PRAP1: variants seen among roughly 807,000 people sequenced by gnomAD.
PRAP1 encodes proline rich acidic protein 1, also known as proline-rich acidic protein 1.
PRAP1 carries 12 observed loss-of-function variants against 14.6 expected under a neutral mutation model. The ratio of observed to expected loss-of-function variants is 0.82; its 90% CI spans 0.53 to 1.33. The LOEUF (loss-of-function observed/expected upper bound fraction) is 1.33, where lower values mean the gene tolerates loss of function less well. PRAP1 is among the 40% of genes most tolerant of loss of function. The probability of loss-of-function intolerance (pLI) is 0.00; values close to 1 mark genes in which losing one functional copy is unlikely to be tolerated. For missense variants in PRAP1, 160 were observed against 193.7 expected, an observed-to-expected ratio of 0.83 and a Z score of 1.03; for synonymous variants, 81 against 80.3, an observed-to-expected ratio of 1.01 and a Z score of -0.04.
chr10:133,349,821 C>T (rs1283064206), intron 1 of PRAP1, among the ~76,000 whole-genome samples: 2 of 152,264 alleles, frequency 1.3e-5, no homozygotes, highest in African/African-American at 4.8e-5. Context: ...CCACCAGTGC[C>T]TGCCACAGTG....
intron 1 of PRAP1, among the ~76,000 whole-genome samples, chr10:133,349,758 C>T (rs1848648311): frequency 6.6e-6 from 1 of 152,206 alleles, no homozygotes; most frequent in East Asian, 1.9e-4. Flanking sequence ...TGTGTGTCCC[C>T]ACGTGGAGGG....
chr10:133,351,922 G>A lies in PRAP1; in HGVS notation c.129-85G>A. On this transcript the variant is annotated intron_variant, in intron 3 of 4. Coordinates refer to ENST00000433452, the MANE Select transcript of PRAP1 (RefSeq NM_145202.5). This position sits in a 1 kb window ranked among gnomAD's most constrained non-coding sequence, Gnocchi z 4.3. ...TGCTGGTGGTGGGGCTGGAGTGGCT[G>A]CCCTGGGATGGTGGGCACCCTCCTG... The A allele has an allele frequency of 6.5e-7, 1 of 1,535,560 alleles. No individual in the cohort carries two copies.
In PRAP1 at chr10:133,351,468, T is replaced by C. The variant is rs767058992; in HGVS notation, c.128+35T>C. Reference sequence around the variant, plus strand: ...CCCAACCCCACCTCCCCACCACCCATTCCCTGAAGCTACAGCCCGTTCTGC... The same window carrying C: ...CCCAACCCCACCTCCCCACCACCCACTCCCTGAAGCTACAGCCCGTTCTGC... On this transcript the variant is annotated intron_variant, in intron 3 of 4. Coordinates refer to ENST00000433452, the MANE Select transcript of PRAP1 (RefSeq NM_145202.5). The surrounding 1 kb of genome is among the most constrained non-coding windows in gnomAD (Gnocchi z 4.3). The C allele has an allele frequency of 1.6e-4, 212 of 1,296,430 alleles. No homozygotes were observed. The highest frequency in any genetic ancestry group is 2.8e-4 in the Admixed American group (14 of 50,628). 80.3% of individuals were successfully genotyped at this position (1,296,430 alleles called of 1,614,324 possible).
rs1589865261 is a variant in PRAP1, at chr10:133,347,845, G to A, written c.8+420G>A. 6.6e-6 allele frequency among the ~76,000 whole-genome samples: 1 copy of A among 152,154 alleles called. No homozygotes were observed. The highest frequency in any genetic ancestry group is 1.5e-5 in the Non-Finnish European group (1 of 68,004). ...AGCTCAGGGAAGCACCCGGGCTCCC[G>A]CTGGACCCTGGAATCAGAGGCTGCC... On this transcript the variant is annotated intron_variant, in intron 1 of 4. Transcript: ENST00000433452. The surrounding 1 kb of genome is among the most constrained non-coding windows in gnomAD (Gnocchi z 5.0).
At position 133,351,960 on chromosome 10, in the gene PRAP1, T is replaced by G. The variant is rs750315244; in HGVS notation, c.129-47T>G. On this transcript the variant is annotated intron_variant, in intron 3 of 4. Coordinates refer to ENST00000433452, the MANE Select transcript of PRAP1 (RefSeq NM_145202.5). This position sits in a 1 kb window ranked among gnomAD's most constrained non-coding sequence, Gnocchi z 4.3. The stretch of plus-strand genomic sequence containing the variant: ...GGGCACCCTCCTGCGGGGGGTTCTG[T>G]CCACCTCCCCCACCTGCATGTGGAC... The G allele has an allele frequency of 6.3e-7, 1 of 1,599,314 alleles. No individual in the cohort carries two copies. Among genetic ancestry groups the G allele is most frequent in the Non-Finnish European group, 8.5e-7 (1 of 1,175,170 alleles).
rs141653330 is a variant in PRAP1, at chr10:133,352,305, C to G, written c.321C>G (p.Pro107=). The G allele has an allele frequency of 5.6e-6, 9 of 1,612,994 alleles. No homozygotes were observed. In the African/African-American group the frequency reaches 6.7e-5, roughly 12 times the overall value. ...TGGGCCATGTCCTGAGTCCCGAGCC[C>G]GACCATGACAGCCTGTACCACCCTC... ...DTLGHVLSPE[P]DHDSLYHPPP... is the part of the protein sequence containing the mutation. The change falls in exon 5 of 5, where the codon CCC becomes CCG. Residue 107 remains proline, a synonymous_variant. Transcript: ENST00000433452.
At position 133,351,800 on chromosome 10, in the gene PRAP1, C is replaced by G. The variant is rs1304873092; in HGVS notation, c.129-207C>G. Among the ~76,000 whole-genome samples the G allele has an allele frequency of 6.6e-6, 1 of 152,218 alleles. No homozygotes were observed. Among genetic ancestry groups the G allele is most frequent in the East Asian group, 1.9e-4 (1 of 5,194 alleles). Reference sequence around the variant, plus strand: ...CTCAACCAAGGCTCTGACCACTGCTCCCCACGCAGCCACCCAGGGACGTGG... The same window carrying G: ...CTCAACCAAGGCTCTGACCACTGCTGCCCACGCAGCCACCCAGGGACGTGG... On this transcript the variant is annotated intron_variant, in intron 3 of 4. Coordinates refer to ENST00000433452, the MANE Select transcript of PRAP1 (RefSeq NM_145202.5). This position sits in a 1 kb window ranked among gnomAD's most constrained non-coding sequence, Gnocchi z 4.3.
chr10:133,349,697 C>T (rs1037835819), intron 1 of PRAP1, among the ~76,000 whole-genome samples: 2 of 152,122 alleles, frequency 1.3e-5, no homozygotes, highest in African/African-American at 4.8e-5. Context: ...GGCTGTGGGC[C>T]CTCGCTGCTC....
chr10:133,348,541 G>C (rs950173832), intron 1 of PRAP1, among the ~76,000 whole-genome samples: 1 of 150,746 alleles, frequency 6.6e-6, no homozygotes, highest in African/African-American at 2.4e-5. Flanking sequence ...AGAGTGTCTC[G>C]CTCTGTCGCC....
In PRAP1 at chr10:133,352,002, A is replaced by C. The variant is rs751871626; in HGVS notation, c.129-5A>C. 1 of 1,612,126 alleles carries C rather than the reference A, an allele frequency of 6.2e-7. No individual in the cohort carries two copies. The highest frequency in any genetic ancestry group is 1.7e-5 in the Admixed American group (1 of 59,968). ...CATGTGGACCTGACCAAACTGTGCC[A>C]GCAGGGCCTGGGGCGCCCGTGTGGT... On this transcript the variant is annotated splice_polypyrimidine_tract_variant and splice_region_variant and intron_variant, in intron 3 of 4. Coordinates refer to ENST00000433452, the MANE Select transcript of PRAP1 (RefSeq NM_145202.5).
rs777247064 is a variant in PRAP1, at chr10:133,351,434, G to A, written c.128+1G>A. 1.2e-6 allele frequency: 2 copies of A among 1,606,828 alleles called. No individual in the cohort carries two copies. Among genetic ancestry groups the A allele is most frequent in the African/African-American group, 1.3e-5 (1 of 74,808 alleles). On this transcript the variant is annotated splice_donor_variant, in intron 3 of 4. Coordinates refer to ENST00000433452, the MANE Select transcript of PRAP1 (RefSeq NM_145202.5). LOFTEE classifies it high-confidence loss of function. The surrounding 1 kb of genome is among the most constrained non-coding windows in gnomAD (Gnocchi z 4.3). ...GGCCCTCAGAGCAGGACCCAGAGAA[G>A]TAAGTCCCCCCAACCCCACCTCCCC...
In PRAP1 at chr10:133,352,333, C is replaced by T. The variant is rs1419110564; in HGVS notation, c.349C>T (p.Pro117Ser). The T allele has an allele frequency of 6.2e-7, 1 of 1,613,186 alleles. No individual in the cohort carries two copies. The highest frequency in any genetic ancestry group is 8.5e-7 in the Non-Finnish European group (1 of 1,179,990). ...PDHDSLYHPP[P>S]EEDQGEERPR... is the part of the protein sequence containing the mutation. ...CCATGACAGCCTGTACCACCCTCCG[C>T]CTGAGGAGGACCAGGGCGAGGAGAG... The change falls in exon 5 of 5, where the codon CCT becomes TCT. Residue 117 changes from proline (P) to serine (S), a missense_variant. Physicochemically the swap from Pro to Ser is moderately conservative, Grantham distance 74 (BLOSUM62 -1). Transcript: ENST00000433452.
At chr10:133,350,422 C>T (rs1848658577) in intron 2 of PRAP1, among the ~76,000 whole-genome samples, 2 of 152,070 alleles carry the variant, frequency 1.3e-5, no homozygotes, top group Non-Finnish European at 2.9e-5. Context: ...GATGAGCCCA[C>T]ATGACCCCAG....
At chr10:133,349,597 CT>C (rs886630026) in intron 1 of PRAP1, among the ~76,000 whole-genome samples, 4 of 152,260 alleles carry the variant, frequency 2.6e-5, no homozygotes, top group Non-Finnish European at 5.9e-5. Flanking sequence ...CCATTCACCC[CT>C]GAGCCCCCCA....
rs1429880133 is a variant in PRAP1 at position 133,352,582 on chromosome 10, T to C, written c.*142T>C. 4.4e-6 allele frequency: 3 copies of C among 677,230 alleles called. No homozygotes were observed. The highest frequency in any genetic ancestry group is 3.6e-5 in the African/African-American group (2 of 54,844). The allele number at this position is 677,230 out of a possible 1,614,324, so 42.0% of individuals were successfully genotyped here. Reference sequence around the variant, plus strand: ...CTCACCTCTGTAATCCCAGCACTTTTAGAGGCCGAGGCAGGCGGATCACCT... The same window carrying C: ...CTCACCTCTGTAATCCCAGCACTTTCAGAGGCCGAGGCAGGCGGATCACCT... On this transcript the variant is annotated 3_prime_UTR_variant, in exon 5 of 5. Coordinates refer to ENST00000433452, the MANE Select transcript of PRAP1 (RefSeq NM_145202.5).
At chr10:133,348,792 G>A (rs534734788) in intron 1 of PRAP1, among the ~76,000 whole-genome samples, 112 of 151,738 alleles carry the variant, frequency 7.4e-4, no homozygotes, top group African/African-American at 2.6e-3. Context: ...CTCCCAAAGT[G>A]CTGGGATTAC....
Position 133,347,560 on chromosome 10 carries a change from G to A in PRAP1, c.8+135G>A. On this transcript the variant is annotated intron_variant, in intron 1 of 4. Transcript: ENST00000433452. This position sits in a 1 kb window ranked among gnomAD's most constrained non-coding sequence, Gnocchi z 5.0. ...GGAGTGTGCGGGTGGGAGGGAGAAG[G>A]AGGGGCCCTCTGAGGGTCTGGGGTC... 1 of 905,318 alleles carries A rather than the reference G, an allele frequency of 1.1e-6. No individual in the cohort carries two copies. Among genetic ancestry groups the A allele is most frequent in the Non-Finnish European group, 1.6e-6 (1 of 609,058 alleles). 56.1% of individuals were successfully genotyped at this position (905,318 alleles called of 1,614,324 possible).
chr10:133,350,824 G>A (rs1481776982), intron 2 of PRAP1: 2 of 155,690 alleles, frequency 1.3e-5, no homozygotes, highest in Non-Finnish European at 2.8e-5. Flanking sequence ...GTCCTCCCCT[G>A]GAGCCACTGG....
chr10:133,349,872 G>A (rs147383529), intron 1 of PRAP1, among the ~76,000 whole-genome samples: 4 of 152,382 alleles, frequency 2.6e-5, no homozygotes, highest in Non-Finnish European at 5.9e-5. Flanking sequence ...TGGGGCTGGG[G>A]CTGTGGGCTC....
Sources: allele counts gnomAD v4.1 joint callset (sites outside exome capture counted in the v4.1 genomes callset), GRCh38; gene constraint gnomAD v4.1.1; non-coding constraint Gnocchi (gnomAD v3.1); transcripts MANE v1.5; gene names NCBI Gene and HGNC (gene_info 2026-07-23, HGNC 2026-07-21).